The following EFNA5 variants were observed in gnomAD, a reference collection of about 807,000 sequenced individuals.
EFNA5 encodes the protein ephrin A5, also known as ephrin-A5.
EFNA5 carries 5 observed loss-of-function variants against 22.9 expected under a neutral mutation model. The observed-to-expected ratio is 0.22, with a 90% confidence interval of 0.11 to 0.46. The LOEUF is 0.46. EFNA5 is among the 20% of genes least tolerant of loss of function. EFNA5 has a pLI of 0.99. For synonymous variants in EFNA5, 113 were observed against 112.2 expected (o/e 1.01, Z -0.04); for missense variants, 237 against 293.3 (o/e 0.81, Z 1.40).
At chr5:107,390,694 T>TATAC (rs1159501617) in intron 2 of EFNA5, among the ~76,000 whole-genome samples, 3 of 150,750 alleles carry the variant, frequency 2.0e-5, no homozygotes, top group Non-Finnish European at 4.4e-5. Flanking sequence ...ACATAAATTA[T>TATAC]ATACATAAAT....
chr5:107,453,776 C>A (rs942873884), intron 1 of EFNA5, among the ~76,000 whole-genome samples: 14 of 152,148 alleles, frequency 9.2e-5, no homozygotes, highest in Middle Eastern at 3.2e-3. Flanking sequence ...TATTGAAATA[C>A]TTGTTGATAT....
At chr5:107,536,828 C>T (rs556212405) in intron 1 of EFNA5, among the ~76,000 whole-genome samples, 51 of 152,238 alleles carry the variant, frequency 3.4e-4, no homozygotes, top group Admixed American at 1.2e-3. Context: ...ATTTTTCGGC[C>T]GGGTGCAGTG....
intron 1 of EFNA5, among the ~76,000 whole-genome samples, chr5:107,493,552 CA>C (rs1296462055): frequency 6.6e-6 from 1 of 152,126 alleles, no homozygotes; most frequent in African/African-American, 2.4e-5. Flanking sequence ...AAAACAAAAA[CA>C]AACAAGTATA....
chr5:107,655,482 T>C (rs969701024), intron 1 of EFNA5, among the ~76,000 whole-genome samples: 5 of 152,148 alleles, frequency 3.3e-5, no homozygotes, highest in African/African-American at 1.2e-4. Context: ...GTATGGCTTA[T>C]GTTAGACCCA....
chr5:107,670,288 C>G (rs1751163149), intron 1 of EFNA5, among the ~76,000 whole-genome samples: 1 of 152,160 alleles, frequency 6.6e-6, no homozygotes, highest in African/African-American at 2.4e-5. Context: ...CCAGGGGTAC[C>G]TGGCCTTTCC....
chr5:107,383,936 A>G (rs1276549583), intron 4 of EFNA5, among the ~76,000 whole-genome samples: 7 of 152,182 alleles, frequency 4.6e-5, no homozygotes, highest in Non-Finnish European at 4.4e-5. Context: ...CAACGAATAT[A>G]TATCTTCCTG....
chr5:107,524,125 C>G (rs1456407253), intron 1 of EFNA5, among the ~76,000 whole-genome samples: 1 of 152,184 alleles, frequency 6.6e-6, no homozygotes, highest in Non-Finnish European at 1.5e-5. Flanking sequence ...CCTCTTTTCA[C>G]CCATGGCAAT....
intron 1 of EFNA5, among the ~76,000 whole-genome samples, chr5:107,619,546 T>A (rs1457537822): frequency 6.6e-6 from 1 of 151,570 alleles, no homozygotes; most frequent in Non-Finnish European, 1.5e-5. Context: ...CACTGCAACC[T>A]CTGCCTCCTG....
intron 1 of EFNA5, among the ~76,000 whole-genome samples, chr5:107,507,567 T>C (rs1747277151): frequency 6.6e-6 from 1 of 152,072 alleles, no homozygotes; most frequent in African/African-American, 2.4e-5. Flanking sequence ...CAAGGCGTGG[T>C]GGCTCACACC....
chr5:107,454,887 CA>C (rs1749655934), intron 1 of EFNA5, among the ~76,000 whole-genome samples: 1 of 152,096 alleles, frequency 6.6e-6, no homozygotes, highest in African/African-American at 2.4e-5. Flanking sequence ...GGAACAAGAG[CA>C]AGAGCAAGTA....
chr5:107,451,292 C>A (rs1749552651), intron 1 of EFNA5, among the ~76,000 whole-genome samples: 1 of 152,130 alleles, frequency 6.6e-6, no homozygotes, highest in Non-Finnish European at 1.5e-5. Context: ...GCCCATAGAG[C>A]AACTGGATAA....
chr5:107,594,909 C>T (rs1345773), intron 1 of EFNA5, among the ~76,000 whole-genome samples: 24,266 of 152,166 alleles, frequency 0.16, 4,957 homozygotes, highest in African/African-American at 0.48. Context: ...GATACCAAAG[C>T]AGACCTTCTG....
intron 1 of EFNA5, among the ~76,000 whole-genome samples, chr5:107,645,506 A>G (rs779034111): frequency 2.0e-5 from 3 of 152,178 alleles, no homozygotes; most frequent in Middle Eastern, 3.2e-3. Flanking sequence ...TGCCATTTAA[A>G]CCAATTTATT....
intron 1 of EFNA5, among the ~76,000 whole-genome samples, chr5:107,552,806 T>C (rs1748326603): frequency 6.6e-6 from 1 of 152,200 alleles, no homozygotes; most frequent in Non-Finnish European, 1.5e-5. Flanking sequence ...CTATCTATGG[T>C]ACAGTGAAGT....
chr5:107,440,324 A>G (rs1445517956), intron 1 of EFNA5, among the ~76,000 whole-genome samples: 1 of 152,218 alleles, frequency 6.6e-6, no homozygotes, highest in African/African-American at 2.4e-5. Context: ...TATCTCAATG[A>G]CAGAGAATAT....
At chr5:107,397,887 G>T (rs2112384837) in intron 2 of EFNA5, among the ~76,000 whole-genome samples, 1 of 152,298 alleles carries the variant, frequency 6.6e-6, no homozygotes, top group Admixed American at 6.5e-5. Context: ...GCCAATCTCA[G>T]GGACTAAATT....
At position 107,569,834 on chromosome 5, in the gene EFNA5, CAAA is replaced by C. The variant is rs67306022; in HGVS notation, c.125+100652_125+100654del. On this transcript the variant is annotated intron_variant, in intron 1 of 4. Coordinates refer to ENST00000333274, the MANE Select transcript of EFNA5 (RefSeq NM_001962.3). ...ACCATGCCACTCCAGCCTGGGAGAC[CAAA>C]AAAAAAAAAAAAAAAGCAAACAAAC... Among the ~76,000 whole-genome samples the C allele has an allele frequency of 5.8e-3, 499 of 86,584 alleles. 5 individuals carry two copies. Among genetic ancestry groups the C allele is most frequent in the African/African-American group, 0.016 (465 of 28,768 alleles). The allele number at this position is 86,584 out of a possible 152,430, so 56.8% of individuals were successfully genotyped here.
At chr5:107,620,081 A>C (rs538732421) in intron 1 of EFNA5, among the ~76,000 whole-genome samples, 1 of 152,338 alleles carries the variant, frequency 6.6e-6, no homozygotes, top group South Asian at 2.1e-4. Flanking sequence ...CCTTATTCAG[A>C]CACTTCCTTC....
At chr5:107,516,859 ATAT>A (rs1354402938) in intron 1 of EFNA5, among the ~76,000 whole-genome samples, 1 of 152,232 alleles carries the variant, frequency 6.6e-6, no homozygotes, top group African/African-American at 2.4e-5. Context: ...AACCTCAAAA[ATAT>A]TATATTCAGT....
Sources: gnomAD v4.1 joint callset for allele counts (sites outside exome capture counted in the v4.1 genomes callset) on GRCh38, gnomAD v4.1.1 for gene constraint, MANE v1.5 for transcripts, NCBI Gene and HGNC (gene_info 2026-07-23, HGNC 2026-07-21) for gene names.